Variants in WARS1 observed in about 807,000 individuals in gnomAD.
WARS1 encodes the protein tryptophanyl-tRNA synthetase 1.
Under a neutral mutation model 47.8 loss-of-function variants are expected in WARS1, and 17 were observed. The observed-to-expected ratio is 0.36, with a 90% CI of 0.24 to 0.53. WARS1 has a LOEUF of 0.53. Ranked by LOEUF, WARS1 falls within the 20% of genes least tolerant of loss-of-function variation. WARS1 has a pLI of 0.91. For synonymous variants in WARS1, 208 were observed against 228.1 expected (o/e 0.91, Z 0.79); for missense variants, 434 against 608.0 (o/e 0.71, Z 3.01).
intron 4 of WARS1, among the ~76,000 whole-genome samples, chr14:100,360,124 T>C (rs1476859018): frequency 6.6e-6 from 1 of 152,188 alleles, no homozygotes; most frequent in Non-Finnish European, 1.5e-5. Flanking sequence ...GCATTCTCTG[T>C]TGGTTTGTCT....
intron 2 of WARS1, among the ~76,000 whole-genome samples, chr14:100,362,721 C>A (rs1895733872): frequency 6.6e-6 from 1 of 152,166 alleles, no homozygotes; most frequent in Admixed American, 6.5e-5. Context: ...GATTAGATCA[C>A]AAACAAAGAA....
chr14:100,375,844 C>G (rs2234517), upstream of WARS1: 2 of 152,266 alleles, frequency 1.3e-5, no homozygotes, highest in Admixed American at 1.3e-4. Flanking sequence ...AAACCTTGGG[C>G]AAGGGTCGCA....
chr14:100,372,937 T>A (rs1014102498), intron 1 of WARS1, among the ~76,000 whole-genome samples: 1 of 152,182 alleles, frequency 6.6e-6, no homozygotes, highest in African/African-American at 2.4e-5. Context: ...TGATTATCTT[T>A]CCAATTTGAA....
At chr14:100,347,365 TC>T (rs1297858012) in intron 6 of WARS1, among the ~76,000 whole-genome samples, 3 of 151,722 alleles carry the variant, frequency 2.0e-5, no homozygotes, top group Admixed American at 1.3e-4. Context: ...TGGCCACTGC[TC>T]CCCCCTGCTG....
At chr14:100,343,427 T>C in intron 7 of WARS1, 40 bp from the exon 8 acceptor site, 10 of 1,403,166 alleles carry the variant, frequency 7.1e-6, no homozygotes, top group Non-Finnish European at 9.9e-6. Flanking sequence ...TGAGATGAGT[T>C]CCTGTTCTGC....
At chr14:100,358,089 A>G (rs2140025548) in intron 4 of WARS1, among the ~76,000 whole-genome samples, 1 of 152,330 alleles carries the variant, frequency 6.6e-6, no homozygotes, top group East Asian at 1.9e-4. Flanking sequence ...CAAGGGGCCC[A>G]GAATACCTAA....
chr14:100,365,514 A>G (rs1441286445), intron 2 of WARS1: 4 of 246,606 alleles, frequency 1.6e-5, no homozygotes, highest in Non-Finnish European at 3.3e-5. Flanking sequence ...CAGGAGGCAG[A>G]GGTTGTAGTG....
chr14:100,342,187 A>T, intron 9 of WARS1: 1 of 661,670 alleles, frequency 1.5e-6, no homozygotes, highest in Non-Finnish European at 2.7e-6. Context: ...CCTAAATGAA[A>T]GGACACAAAA....
intron 4 of WARS1, among the ~76,000 whole-genome samples, chr14:100,357,404 T>C (rs1895388515): frequency 6.6e-6 from 1 of 152,012 alleles, no homozygotes. Flanking sequence ...AAAAAAGCAT[T>C]AGCGCTAATA....
rs60977618 is a variant in WARS1 at position 100,371,447 on chromosome 14, CAAAA to C, written c.-73-2193_-73-2190del. 4.9e-4 allele frequency among the ~76,000 whole-genome samples: 44 copies of C among 89,102 alleles called. 2 individuals are homozygous for C. Among genetic ancestry groups the C allele is most frequent in the Non-Finnish European group, 8.9e-4 (31 of 34,728 alleles). 58.5% of individuals were successfully genotyped at this position (89,102 alleles called of 152,430 possible). On this transcript the variant is annotated intron_variant, in intron 1 of 10. Coordinates refer to ENST00000392882, the MANE Select transcript of WARS1 (RefSeq NM_004184.4). The stretch of plus-strand genomic sequence containing the variant: ...CCTGGGTGACAGAAAGGTTCTGTCT[CAAAA>C]AAAAAAAAAAAAAAAAGTAGGCCAG...
intron 1 of WARS1, chr14:100,374,054 T>C (rs1285988941): frequency 2.6e-5 from 4 of 152,178 alleles, no homozygotes; most frequent in South Asian, 4.1e-4. Context: ...CAACTTGGAG[T>C]TCAGGAACAT....
chr14:100,342,844 C>T (rs754634747), intron 8 of WARS1, among the ~76,000 whole-genome samples: 10 of 152,068 alleles, frequency 6.6e-5, no homozygotes, highest in African/African-American at 1.7e-4. Flanking sequence ...TTTTAAGCCC[C>T]GCATGCATTA....
chr14:100,368,096 CAGA>C (rs1391152449), intron 2 of WARS1, among the ~76,000 whole-genome samples: 4 of 152,202 alleles, frequency 2.6e-5, no homozygotes, highest in African/African-American at 9.6e-5. Context: ...GGGAAGCAGG[CAGA>C]AGGTTTTGGG....
chr14:100,366,017 C>G (rs938597021), intron 2 of WARS1: 1 of 455,986 alleles, frequency 2.2e-6, no homozygotes. Flanking sequence ...CTTCAAGAAG[C>G]AGTTATTGAG....
chr14:100,353,641 A>G, intron 6 of WARS1, 46 bp downstream of exon 6: 1 of 1,591,756 alleles, frequency 6.3e-7, no homozygotes, highest in Non-Finnish European at 8.6e-7. Context: ...ACAACTTGAC[A>G]TCCTCCTCTA....
At position 100,334,730 on chromosome 14, in the gene WARS1, T is replaced by C. The variant is rs1443403145; in HGVS notation, c.*145A>G. 7.0e-6 allele frequency: 6 copies of C among 851,250 alleles called. No homozygotes were observed. The highest frequency in any genetic ancestry group is 1.1e-5 in the Non-Finnish European group (6 of 557,002). The allele number at this position is 851,250 out of a possible 1,614,324, so 52.7% of individuals were successfully genotyped here. On this transcript the variant is annotated 3_prime_UTR_variant, in exon 11 of 11. Transcript: ENST00000392882. ...ATGGAACTCACAGGAAGAAACAGTA[T>C]TGATAACATACACAGGCTTACAGAG... is the stretch of plus-strand genomic sequence containing the variant.
chr14:100,351,461 T>C (rs1894971769), intron 6 of WARS1, among the ~76,000 whole-genome samples: 1 of 141,548 alleles, frequency 7.1e-6, no homozygotes, highest in Admixed American at 7.5e-5. Context: ...AAGACCAGCC[T>C]GGCCAACATG....
At chr14:100,350,625 T>A (rs975875005) in intron 6 of WARS1, among the ~76,000 whole-genome samples, 1 of 152,158 alleles carries the variant, frequency 6.6e-6, no homozygotes, top group Non-Finnish European at 1.5e-5. Context: ...TGGACTATTA[T>A]AGGCACTTGC....
chr14:100,334,910 T>C lies in WARS1; in HGVS notation c.1381A>G (p.Met461Val). ...EVTDEIVKEF[M>V]TPRKLSFDFQ ...TCGAAGGACAGCTTCCGGGGAGTCA[T>C]GAACTCTTTCACTATCTCATCCGTG... The change falls in exon 11 of 11, where the codon ATG becomes GTG. Residue 461 changes from methionine (M) to valine (V), a missense_variant. Transcript: ENST00000392882. 2 of 1,614,184 alleles carry C rather than the reference T, an allele frequency of 1.2e-6. No individual in the cohort carries two copies. The highest frequency in any genetic ancestry group is 8.5e-7 in the Non-Finnish European group (1 of 1,180,014).
Sources: allele counts gnomAD v4.1 joint callset (sites outside exome capture counted in the v4.1 genomes callset), GRCh38; gene constraint gnomAD v4.1.1; transcripts MANE v1.5; gene names NCBI Gene and HGNC (gene_info 2026-07-23, HGNC 2026-07-21).